The following EYS variants were observed in gnomAD, a reference collection of about 807,000 sequenced individuals.
EYS encodes the protein protein eyes shut homolog.
Under a neutral mutation model 282.1 loss-of-function variants are expected in EYS, and 250 were observed. The observed-to-expected ratio is 0.89, with a 90% CI of 0.80 to 0.98. The LOEUF (loss-of-function observed/expected upper bound fraction) is 0.98, where lower values mean the gene tolerates loss of function less well. Among genes scored for constraint, EYS ranks in the 50% least tolerant of loss-of-function variants. The pLI, the probability that EYS is intolerant of heterozygous loss-of-function variation, is 0.00. For synonymous variants in EYS, 1,355 were observed against 1,282.9 expected, an observed-to-expected ratio of 1.06 and a Z score of -1.20; for missense variants, 4,016 against 3,709.0, an observed-to-expected ratio of 1.08 and a Z score of -2.15.
chr6:64,414,061 G>A (rs1377580259), intron 28 of EYS, among the ~76,000 whole-genome samples: 4 of 152,056 alleles, frequency 2.6e-5, no homozygotes, highest in Non-Finnish European at 4.4e-5. Flanking sequence ...TCAGAACTGT[G>A]ACAATTCATT....
intron 12 of EYS, among the ~76,000 whole-genome samples, chr6:65,165,194 G>T (rs114174843): frequency 6.6e-6 from 1 of 150,730 alleles, no homozygotes; most frequent in Non-Finnish European, 1.5e-5. Flanking sequence ...GCTAACTCTT[G>T]ACAAATGATG....
At chr6:64,144,004 A>G (rs1441375608) in intron 31 of EYS, among the ~76,000 whole-genome samples, 3 of 152,320 alleles carry the variant, frequency 2.0e-5, no homozygotes, top group South Asian at 2.1e-4. Context: ...CAAAAGCATG[A>G]AAACAGTTTT....
intron 13 of EYS, among the ~76,000 whole-genome samples, chr6:65,027,304 T>C (rs1284100638): frequency 6.6e-6 from 1 of 152,242 alleles, no homozygotes; most frequent in Non-Finnish European, 1.5e-5. Flanking sequence ...ACTTTTCTAA[T>C]GAACTAGTTC....
At chr6:63,721,879 A>G (rs549917065) in intron 42 of EYS, 82 bp from the exon 43 acceptor site, 103 of 1,337,636 alleles carry the variant, frequency 7.7e-5, no homozygotes, top group South Asian at 4.5e-4. Context: ...GCCAAGTTGG[A>G]TAAGTTTTAG....
At chr6:65,173,261 C>T (rs973551899) in intron 12 of EYS, among the ~76,000 whole-genome samples, 9 of 151,232 alleles carry the variant, frequency 6.0e-5, no homozygotes, top group African/African-American at 2.2e-4. Context: ...TTGGAACATG[C>T]TTCCCGAAAA....
chr6:64,511,225 CAT>C (rs768014031), intron 26 of EYS, among the ~76,000 whole-genome samples: 2 of 124,794 alleles, frequency 1.6e-5, no homozygotes, highest in Non-Finnish European at 3.2e-5. Flanking sequence ...TCTCTCTCTA[CAT>C]ATATATATAT....
chr6:64,033,333 G>T (rs1562164759), intron 33 of EYS, among the ~76,000 whole-genome samples: 1 of 152,126 alleles, frequency 6.6e-6, no homozygotes, highest in Non-Finnish European at 1.5e-5. Context: ...TAGGCACATA[G>T]CTATTAAATG....
chr6:64,340,649 A>G (rs1158826590), intron 29 of EYS, among the ~76,000 whole-genome samples: 1 of 151,906 alleles, frequency 6.6e-6, no homozygotes, highest in Non-Finnish European at 1.5e-5. Context: ...CCTTCTGGAC[A>G]TCAACCTTGG....
intron 19 of EYS, among the ~76,000 whole-genome samples, chr6:64,878,435 T>G (rs1467879923): frequency 1.3e-5 from 2 of 152,132 alleles, no homozygotes; most frequent in Non-Finnish European, 2.9e-5. Context: ...CAATTGAAAC[T>G]TCAATAGAGA....
intron 2 of EYS, among the ~76,000 whole-genome samples, chr6:65,587,984 G>A (rs1241220273): frequency 6.6e-6 from 1 of 152,154 alleles, no homozygotes; most frequent in South Asian, 2.1e-4. Flanking sequence ...ATCATTCAGA[G>A]GGTGGTGCCC....
At chr6:64,375,053 A>AGTT (rs1772520316) in intron 29 of EYS, among the ~76,000 whole-genome samples, 1 of 152,218 alleles carries the variant, frequency 6.6e-6, no homozygotes, top group Admixed American at 6.5e-5. Context: ...AAGGTTTTGG[A>AGTT]GTTAGTTCAT....
intron 24 of EYS, among the ~76,000 whole-genome samples, chr6:64,612,025 A>T (rs1457847709): frequency 6.6e-6 from 1 of 152,122 alleles, no homozygotes; most frequent in Non-Finnish European, 1.5e-5. Flanking sequence ...TTATCACATG[A>T]GAAAATAAAG....
chr6:64,741,828 C>T (rs915560694), intron 22 of EYS, among the ~76,000 whole-genome samples: 3 of 152,300 alleles, frequency 2.0e-5, no homozygotes, highest in Middle Eastern at 3.4e-3. Flanking sequence ...CAGGGTCTTG[C>T]TCTGGATTAG....
rs188136911 is a variant in EYS, at chr6:65,097,689, G to T, written c.2024-39962C>A. ...CAGTCTTGAAGAAGAAGGAAGTCTT[G>T]CTACATGCAACAACATGGATAAACC... On this transcript the variant is annotated intron_variant, in intron 12 of 42. Transcript: ENST00000503581. Among the ~76,000 whole-genome samples the T allele has an allele frequency of 1.7e-3, 262 of 150,816 alleles. 1 individual carries two copies. The highest frequency in any genetic ancestry group is 5.8e-3 in the African/African-American group (238 of 41,366).
At chr6:64,420,389 A>G (rs1774192754) in intron 28 of EYS, among the ~76,000 whole-genome samples, 1 of 151,884 alleles carries the variant, frequency 6.6e-6, no homozygotes, top group South Asian at 2.1e-4. Flanking sequence ...TGCCCTGGAG[A>G]TATTTTCCCC....
intron 33 of EYS, among the ~76,000 whole-genome samples, chr6:64,026,393 G>A (rs899062997): frequency 1.8e-4 from 28 of 152,120 alleles, no homozygotes; most frequent in African/African-American, 6.5e-4. Context: ...GATCACCCTT[G>A]AAATGCATCC....
chr6:65,346,451 G>T (rs771746305), intron 9 of EYS, among the ~76,000 whole-genome samples: 5 of 143,788 alleles, frequency 3.5e-5, no homozygotes, highest in Non-Finnish European at 7.6e-5. Flanking sequence ...ATAATTTAAA[G>T]GATGGAAAAC....
At chr6:65,188,222 T>G (rs1765558403) in intron 12 of EYS, among the ~76,000 whole-genome samples, 1 of 151,710 alleles carries the variant, frequency 6.6e-6, no homozygotes, top group South Asian at 2.1e-4. Flanking sequence ...TCTTCTGTTC[T>G]CAATTCAACT....
intron 22 of EYS, among the ~76,000 whole-genome samples, chr6:64,712,516 AG>A (rs1228036122): frequency 3.3e-5 from 5 of 152,224 alleles, no homozygotes; most frequent in Non-Finnish European, 7.3e-5. Context: ...TGCACAAGCA[AG>A]GAATGTTAAA....
Sources: allele counts gnomAD v4.1 joint callset (sites outside exome capture counted in the v4.1 genomes callset), GRCh38; gene constraint gnomAD v4.1.1; transcripts MANE v1.5; gene names NCBI Gene and HGNC (gene_info 2026-07-23, HGNC 2026-07-21).